Variants in RUFY3 observed in about 807,000 individuals in gnomAD.
The protein encoded by RUFY3 is RUN and FYVE domain containing 3.
In RUFY3, 34 loss-of-function variants were observed where a neutral mutation model predicts 84.0. The observed-to-expected ratio is 0.40, with a 90% CI of 0.31 to 0.54. The LOEUF is 0.54. Ranked by LOEUF, RUFY3 falls within the 20% of genes least tolerant of loss-of-function variation. RUFY3 has a pLI of 0.39. For synonymous variants in RUFY3, 242 were observed against 252.9 expected, an observed-to-expected ratio of 0.96 and a Z score of 0.41; for missense variants, 507 against 736.8, an observed-to-expected ratio of 0.69 and a Z score of 3.61.
At chr4:70,725,929 C>G (rs563215627) in intron 1 of RUFY3, among the ~76,000 whole-genome samples, 1 of 152,298 alleles carries the variant, frequency 6.6e-6, no homozygotes, top group Non-Finnish European at 1.5e-5. Context: ...CTGTAGAAAT[C>G]TTATTCATAC....
chr4:70,781,807 A>C (rs1728970817), intron 8 of RUFY3, among the ~76,000 whole-genome samples: 1 of 152,222 alleles, frequency 6.6e-6, no homozygotes, highest in African/African-American at 2.4e-5. Context: ...ATAATAATTG[A>C]GGAGACTAGC....
At chr4:70,728,596 A>G (rs1718696118) in intron 1 of RUFY3, among the ~76,000 whole-genome samples, 1 of 152,218 alleles carries the variant, frequency 6.6e-6, no homozygotes, top group Non-Finnish European at 1.5e-5. Flanking sequence ...TTTACTCTGT[A>G]AAGTGTTTCA....
In RUFY3 at chr4:70,804,356, G is replaced by C; in HGVS notation, c.1659G>C (p.Leu553=). 1.2e-6 allele frequency: 2 copies of C among 1,613,966 alleles called. No individual in the cohort carries two copies. Among genetic ancestry groups the C allele is most frequent in the Non-Finnish European group, 1.7e-6 (2 of 1,179,902 alleles). The change falls in exon 17 of 18, where the codon CTG becomes CTC. Residue 553 remains leucine (L), a synonymous_variant. Coordinates refer to ENST00000381006, the MANE Select transcript of RUFY3 (RefSeq NM_001037442.4). ...QPHPMDEQDQ[L]LLSEKPQLCQ... ...CTCCCTGTGTGGTTTAGGATCAGCT[G>C]CTGCTCTCTGAAAAGCCACAGTTGT...
At chr4:70,709,746 G>T (rs991856846) in intron 1 of RUFY3, among the ~76,000 whole-genome samples, 2 of 152,152 alleles carry the variant, frequency 1.3e-5, no homozygotes, top group African/African-American at 4.8e-5. Context: ...ACAGTTAACA[G>T]CTTCTATTTA....
upstream of RUFY3, among the ~76,000 whole-genome samples, chr4:70,719,981 G>A (rs1216823191): frequency 6.6e-6 from 1 of 152,084 alleles, no homozygotes; most frequent in East Asian, 1.9e-4. Flanking sequence ...ATAAAACCAG[G>A]AGTATTTTGC....
chr4:70,704,955 C>A, exon 1 of RUFY3: 1 of 1,226,902 alleles, frequency 8.2e-7, no homozygotes, highest in Non-Finnish European at 1.0e-6. Context: ...GACCCCGCCG[C>A]CGCCCACCGC....
At chr4:70,717,320 T>C (rs917096763), upstream of RUFY3, among the ~76,000 whole-genome samples, 1 of 152,306 alleles carries the variant, frequency 6.6e-6, no homozygotes, top group Admixed American at 6.5e-5. Context: ...AGAGTGGTAG[T>C]AGGGTGAACC....
intron 1 of RUFY3, among the ~76,000 whole-genome samples, chr4:70,733,137 GGAGAGA>G (rs778346957): frequency 1.3e-3 from 115 of 86,686 alleles, no homozygotes; most frequent in African/African-American, 3.1e-3. Context: ...AGGGAGGGAG[GGAGAGA>G]GAGAGAGAGA....
chr4:70,729,713 G>T (rs6851655), intron 1 of RUFY3, among the ~76,000 whole-genome samples: 14,033 of 152,098 alleles, frequency 0.092, 1,380 homozygotes, highest in African/African-American at 0.25. Flanking sequence ...GTTTAAGCCG[G>T]ATTCTTCAAT....
At chr4:70,797,265 T>TCTTATC (rs1472488437) in intron 14 of RUFY3, among the ~76,000 whole-genome samples, 1 of 152,104 alleles carries the variant, frequency 6.6e-6, no homozygotes, top group African/African-American at 2.4e-5. Flanking sequence ...CAAACTGATG[T>TCTTATC]CTTATCCTTT....
intron 1 of RUFY3, among the ~76,000 whole-genome samples, chr4:70,713,081 T>TG (rs1262792889): frequency 6.6e-6 from 1 of 152,256 alleles, no homozygotes; most frequent in African/African-American, 2.4e-5. Context: ...TGGAGTGCGA[T>TG]GGGGCAATCT....
At chr4:70,799,784 T>C (rs1029944149) in intron 14 of RUFY3, 3 of 220,736 alleles carry the variant, frequency 1.4e-5, no homozygotes, top group African/African-American at 7.1e-5. Flanking sequence ...CATCCTTGGT[T>C]TTACCAGTTT....
chr4:70,705,320 G>C, intron 1 of RUFY3: 9 of 1,335,740 alleles, frequency 6.7e-6, no homozygotes, highest in Non-Finnish European at 7.7e-6. Context: ...GCATGGGGAC[G>C]CCCGCGGGGA....
chr4:70,717,844 G>C (rs577582045), upstream of RUFY3, among the ~76,000 whole-genome samples: 1 of 143,676 alleles, frequency 7.0e-6, no homozygotes, highest in East Asian at 2.0e-4. Context: ...TCTCTGTTTT[G>C]CAGTGCTTTT....
chr4:70,767,522 T>C (rs60390059), intron 4 of RUFY3, among the ~76,000 whole-genome samples: 3,151 of 152,218 alleles, frequency 0.021, 119 homozygotes, highest in East Asian at 0.16. Context: ...TATAAACACA[T>C]GTATGCAGGT....
At chr4:70,787,662 A>G (rs1162635903) in intron 10 of RUFY3, among the ~76,000 whole-genome samples, 1 of 152,194 alleles carries the variant, frequency 6.6e-6, no homozygotes, top group Non-Finnish European at 1.5e-5. Context: ...TCAAAATATA[A>G]TACTTTTCAT....
chr4:70,766,651 C>G (rs942946361), intron 4 of RUFY3, among the ~76,000 whole-genome samples: 7 of 152,118 alleles, frequency 4.6e-5, no homozygotes, highest in African/African-American at 1.4e-4. Context: ...ACCCTTCCCC[C>G]CTGTACAACC....
intron 10 of RUFY3, among the ~76,000 whole-genome samples, chr4:70,785,135 T>C (rs146640559): frequency 0.011 from 1,603 of 152,330 alleles, 9 homozygotes; most frequent in Non-Finnish European, 0.016. Flanking sequence ...ATATTAAGTA[T>C]ACAGAACCTA....
Position 70,806,627 on chromosome 4 carries a change from C to G in RUFY3, c.1831C>G (p.Leu611Val), listed in dbSNP as rs754675264. Residue 611 changes from leucine (L) to valine (V), a missense_variant, in exon 18 of 18, where the codon CTG (leucine) becomes GTG (valine). Physicochemically the swap from Leu to Val is conservative, Grantham distance 32. Around this residue, in one of 4 missense-constraint regions of RUFY3, gnomAD observed 334 missense variants for 364.1 expected, o/e 0.92. Coordinates refer to ENST00000381006, the MANE Select transcript of RUFY3 (RefSeq NM_001037442.4). Reference protein sequence around the residue: ...ERVCNPCHKHLMKQYSTSPS With the variant: ...ERVCNPCHKHVMKQYSTSPS Reference sequence around the variant, plus strand: ...AGTTTGCAATCCCTGTCACAAGCATCTGATGAAGCAATATTCTACCAGCCC... The same window carrying G: ...AGTTTGCAATCCCTGTCACAAGCATGTGATGAAGCAATATTCTACCAGCCC... 1.7e-5 allele frequency: 27 copies of G among 1,614,046 alleles called. No homozygotes were observed. The Admixed American group carries it at 4.5e-4, about 27-fold the overall frequency.
Sources: gnomAD v4.1 joint callset for allele counts (sites outside exome capture counted in the v4.1 genomes callset) on GRCh38, gnomAD v4.1.1 for gene constraint, gnomAD v4.1.1 regional missense constraint, MANE v1.5 for transcripts, NCBI Gene and HGNC (gene_info 2026-07-23, HGNC 2026-07-21) for gene names.